The following NAA11 variants were observed in gnomAD, a reference collection of about 807,000 sequenced individuals.
The protein encoded by NAA11 is N-alpha-acetyltransferase 11, NatA catalytic subunit, also known as N-alpha-acetyltransferase 11.
NAA11 carries 15 observed loss-of-function variants against 16.1 expected under a neutral mutation model. That is an observed-to-expected ratio of 0.93 (90% CI 0.62 to 1.44). The LOEUF (loss-of-function observed/expected upper bound fraction) is 1.44. Ranked by LOEUF, NAA11 falls within the 40% of genes most tolerant of loss-of-function variation. NAA11 has a pLI of 0.00. For synonymous variants in NAA11, 122 were observed against 112.4 expected, an observed-to-expected ratio of 1.09 and a Z score of -0.54; for missense variants, 298 against 291.3, an observed-to-expected ratio of 1.02 and a Z score of -0.17.
chr4:79,174,491 CA>C, the NAA11 span, among the ~76,000 whole-genome samples: 8,490 of 152,164 alleles, frequency 0.056, 298 homozygotes, highest in Non-Finnish European at 0.083. Context: ...ATGAAGGTTA[CA>C]CCCTGCTGTG....
chr4:79,276,729 G>A lies in NAA11; in HGVS notation c.*122+17276C>T, dbSNP rs111367419. 6.6e-4 allele frequency among the ~76,000 whole-genome samples: 100 copies of A among 152,134 alleles called. 2 individuals are homozygous for A. The highest frequency in any genetic ancestry group is 2.4e-3 in the African/African-American group (98 of 41,492). ...ACCCTGGCATTTCATCAACCAGAGG[G>A]AGGAAAAATAAACATCATAAAGCGA... On this transcript the variant is annotated intron_variant and NMD_transcript_variant, in intron 2 of 2. Transcript: ENST00000511542.
the NAA11 span, among the ~76,000 whole-genome samples, chr4:79,191,511 C>T: frequency 6.6e-6 from 1 of 152,018 alleles, no homozygotes; most frequent in South Asian, 2.1e-4. Context: ...GTCCTTTGCC[C>T]ACTTTGTAAT....
chr4:79,160,044 T>G, the NAA11 span, among the ~76,000 whole-genome samples: 1 of 150,978 alleles, frequency 6.6e-6, no homozygotes, highest in East Asian at 1.9e-4. Context: ...CAGGCTGGAG[T>G]GCAATGGTGC....
the NAA11 span, among the ~76,000 whole-genome samples, chr4:79,172,878 T>C: frequency 6.6e-6 from 1 of 152,144 alleles, no homozygotes; most frequent in African/African-American, 2.4e-5. Flanking sequence ...GAGGCAATCT[T>C]GCTCAACTGT....
intron 2 of NAA11, among the ~76,000 whole-genome samples, chr4:79,247,614 A>G (rs1320438216): frequency 6.6e-6 from 1 of 152,106 alleles, no homozygotes; most frequent in African/African-American, 2.4e-5. Flanking sequence ...AACATCAGTA[A>G]GACTGGCGCA....
intron 1 of NAA11, among the ~76,000 whole-genome samples, chr4:79,324,322 TAATA>T (rs1318099982): frequency 1.3e-5 from 2 of 152,206 alleles, no homozygotes; most frequent in Non-Finnish European, 2.9e-5. Context: ...AGTAATTCCT[TAATA>T]TAGTCCCCGT....
the NAA11 span, among the ~76,000 whole-genome samples, chr4:79,190,519 G>A: frequency 6.6e-6 from 1 of 151,354 alleles, no homozygotes; most frequent in Non-Finnish European, 1.5e-5. Context: ...AAGCCTGATG[G>A]CAGGAATCTG....
intron 2 of NAA11, among the ~76,000 whole-genome samples, chr4:79,228,536 C>CA (rs1242375844): frequency 6.6e-6 from 1 of 151,664 alleles, no homozygotes; most frequent in African/African-American, 2.4e-5. Context: ...TTGCCTTTTC[C>CA]AAAAATGGAA....
At chr4:79,174,650 G>T in the NAA11 span, among the ~76,000 whole-genome samples, 4 of 152,130 alleles carry the variant, frequency 2.6e-5, no homozygotes, top group African/African-American at 9.7e-5. Flanking sequence ...TTTAGCAGTT[G>T]CCTCCTTAGC....
At chr4:79,305,973 T>C (rs1723568252) in intron 1 of NAA11, among the ~76,000 whole-genome samples, 1 of 152,214 alleles carries the variant, frequency 6.6e-6, no homozygotes, top group African/African-American at 2.4e-5. Context: ...CTGAGGAATA[T>C]GCTTTCATGC....
chr4:79,220,379 C>A, the NAA11 span, among the ~76,000 whole-genome samples: 1 of 151,926 alleles, frequency 6.6e-6, no homozygotes, highest in African/African-American at 2.4e-5. Context: ...AGACATGAGC[C>A]ACTGTGCTGG....
At chr4:79,220,219 A>G in the NAA11 span, among the ~76,000 whole-genome samples, 2 of 152,108 alleles carry the variant, frequency 1.3e-5, no homozygotes, top group Non-Finnish European at 2.9e-5. Flanking sequence ...CAGCCTCCCT[A>G]GTAGCCAAGA....
chr4:79,166,696 C>T, the NAA11 span, among the ~76,000 whole-genome samples: 1 of 146,596 alleles, frequency 6.8e-6, no homozygotes, highest in African/African-American at 2.5e-5. Context: ...GGTGAAACCC[C>T]GTCTCTACTA....
At chr4:79,223,799 A>T (rs921638808), downstream of NAA11, among the ~76,000 whole-genome samples, 1 of 151,848 alleles carries the variant, frequency 6.6e-6, no homozygotes, top group Non-Finnish European at 1.5e-5. Context: ...GTACATGAAC[A>T]GTTAGATTTA....
chr4:79,313,876 G>A (rs950408898), downstream of NAA11, among the ~76,000 whole-genome samples: 1 of 152,172 alleles, frequency 6.6e-6, no homozygotes, highest in African/African-American at 2.4e-5. Flanking sequence ...GGAAGGACGT[G>A]GTTCCAGACA....
the NAA11 span, among the ~76,000 whole-genome samples, chr4:79,203,187 C>T: frequency 2.6e-5 from 4 of 151,534 alleles, no homozygotes; most frequent in Non-Finnish European, 5.9e-5. Flanking sequence ...AAAAAGGCTT[C>T]GAACTTAAGC....
At chr4:79,320,006 TAACTC>T (rs1209557569) in intron 1 of NAA11, among the ~76,000 whole-genome samples, 1 of 152,248 alleles carries the variant, frequency 6.6e-6, no homozygotes, top group East Asian at 1.9e-4. Flanking sequence ...TAACCTTACT[TAACTC>T]AATGTTGCCA....
chr4:79,283,864 CATATAA>C, intron 2 of NAA11, among the ~76,000 whole-genome samples: 1 of 152,030 alleles, frequency 6.6e-6, no homozygotes, highest in African/African-American at 2.4e-5. Context: ...AACCACAGAA[CATATAA>C]ATAAATAAAT....
intron 2 of NAA11, among the ~76,000 whole-genome samples, chr4:79,287,592 G>A (rs1209733105): frequency 6.6e-6 from 1 of 151,690 alleles, no homozygotes; most frequent in African/African-American, 2.4e-5. Flanking sequence ...CTTTATAACT[G>A]CTTAACACAG....
Sources: gnomAD v4.1 joint callset for allele counts (sites outside exome capture counted in the v4.1 genomes callset) on GRCh38, gnomAD v4.1.1 for gene constraint, MANE v1.5 for transcripts, NCBI Gene and HGNC (gene_info 2026-07-23, HGNC 2026-07-21) for gene names.